CDH13: variants seen among roughly 807,000 people sequenced by gnomAD.
The protein encoded by CDH13 is cadherin-13.
A neutral mutation model predicts 63.8 loss-of-function variants in CDH13; 24 were observed. The observed-to-expected ratio is 0.38, with a 90% CI of 0.27 to 0.53. CDH13 has a LOEUF of 0.53. Ranked by LOEUF, CDH13 falls within the 20% of genes least tolerant of loss-of-function variation. The pLI, the probability that CDH13 is intolerant of heterozygous loss-of-function variation, is 0.85. For missense variants in CDH13, 1,049 were observed against 903.1 expected, an observed-to-expected ratio of 1.16 and a Z score of -2.07; for synonymous variants, 503 against 355.3, an observed-to-expected ratio of 1.42 and a Z score of -4.67.
intron 1 of CDH13, among the ~76,000 whole-genome samples, chr16:82,817,328 G>T (rs897554762): frequency 1.3e-5 from 2 of 152,084 alleles, no homozygotes; most frequent in Non-Finnish European, 2.9e-5. Context: ...TCTTAGCTCA[G>T]CGTGCTCACT....
At chr16:82,639,412 G>C in intron 1 of CDH13, 1 of 1,535,626 alleles carries the variant, frequency 6.5e-7, no homozygotes, top group African/African-American at 1.4e-5. Flanking sequence ...ACATCCCAGT[G>C]AGAATGGCCC....
At chr16:83,700,685 G>A (rs150992532) in intron 10 of CDH13, among the ~76,000 whole-genome samples, 141 of 152,156 alleles carry the variant, frequency 9.3e-4, no homozygotes, top group Middle Eastern at 3.4e-3. Flanking sequence ...ATGCATGCTC[G>A]TCACAAAAAA....
chr16:83,349,721 C>T (rs902238075), intron 6 of CDH13, among the ~76,000 whole-genome samples: 2 of 152,154 alleles, frequency 1.3e-5, no homozygotes, highest in Non-Finnish European at 2.9e-5. Context: ...CTGCCTCAGC[C>T]TCCCGAGTAG....
chr16:82,747,370 T>C (rs8046067), intron 1 of CDH13, among the ~76,000 whole-genome samples: 39,781 of 152,068 alleles, frequency 0.26, 5,859 homozygotes, highest in South Asian at 0.38. Context: ...GTTTGAGGTG[T>C]GTTTATTCAG....
intron 7 of CDH13, among the ~76,000 whole-genome samples, chr16:83,573,268 CTA>C (rs1904809580): frequency 6.6e-6 from 1 of 152,112 alleles, no homozygotes. Context: ...TAGAGCCAAA[CTA>C]TGTGTATTTT....
At chr16:83,325,090 G>C (rs1053494432) in intron 5 of CDH13, among the ~76,000 whole-genome samples, 3 of 152,104 alleles carry the variant, frequency 2.0e-5, no homozygotes, top group Admixed American at 1.3e-4. Context: ...GCCTTCATCC[G>C]CAATCTAAAT....
At chr16:82,781,514 C>T (rs1339966064) in intron 1 of CDH13, among the ~76,000 whole-genome samples, 3 of 152,136 alleles carry the variant, frequency 2.0e-5, no homozygotes, top group Non-Finnish European at 2.9e-5. Flanking sequence ...TCCACCCACT[C>T]ACCCATCTAT....
intron 6 of CDH13, among the ~76,000 whole-genome samples, chr16:83,374,965 G>A (rs909195809): frequency 2.0e-5 from 3 of 152,270 alleles, no homozygotes; most frequent in African/African-American, 4.8e-5. Context: ...TTTGATAACC[G>A]TGGGGATTTT....
chr16:83,231,968 C>T (rs996100874), intron 5 of CDH13, among the ~76,000 whole-genome samples: 1 of 152,018 alleles, frequency 6.6e-6, no homozygotes, highest in Non-Finnish European at 1.5e-5. Context: ...GACACAGAAA[C>T]AGAAAACCAA....
At position 83,142,166 on chromosome 16, in the gene CDH13, T is replaced by G. The variant is rs140362630; in HGVS notation, c.483+16665T>G. Among the ~76,000 whole-genome samples the G allele has an allele frequency of 2.0e-3, 232 of 113,722 alleles. 3 individuals are homozygous for G. The highest frequency in any genetic ancestry group is 5.4e-3 in the African/African-American group (180 of 33,492). The allele number at this position is 113,722 out of a possible 152,430, so 74.6% of individuals were successfully genotyped here. A position where few individuals can be genotyped will look rare whatever the true frequency, so the allele number is the denominator to read the frequency against. On this transcript the variant is annotated intron_variant, in intron 4 of 13. Coordinates refer to ENST00000567109, the MANE Select transcript of CDH13 (RefSeq NM_001257.5). ...TTTTTGTTTGTTTGTTTTTGTTTTT[T>G]TTTTTTTTTTTTTGAAATGGAGTCT...
intron 10 of CDH13, among the ~76,000 whole-genome samples, chr16:83,700,011 A>G (rs1567527012): frequency 6.6e-6 from 1 of 152,158 alleles, no homozygotes. Flanking sequence ...TATCACCGTG[A>G]TCTAGATCGT....
rs1305895982 is a variant in CDH13, at chr16:83,356,224, G to A, written c.781+11218G>A. Among the ~76,000 whole-genome samples the A allele has an allele frequency of 5.8e-3, 482 of 83,386 alleles. 2 individuals carry two copies. Among genetic ancestry groups the A allele is most frequent in the African/African-American group, 0.012 (157 of 12,670 alleles). 54.7% of individuals were successfully genotyped at this position (83,386 alleles called of 152,430 possible). Reference sequence around the variant, plus strand: ...TTTATTTATTTTCATGTGTGTGTGTGTGTGTGTGTGTGTGTGTGTGTGTGT... The same window carrying A: ...TTTATTTATTTTCATGTGTGTGTGTATGTGTGTGTGTGTGTGTGTGTGTGT... On this transcript the variant is annotated intron_variant, in intron 6 of 13. Transcript: ENST00000567109.
intron 6 of CDH13, among the ~76,000 whole-genome samples, chr16:83,383,533 A>T (rs62042628): frequency 0.064 from 9,698 of 152,198 alleles, 375 homozygotes; most frequent in South Asian, 0.11. Flanking sequence ...TATGGTTGGC[A>T]TTCTACTGCA....
intron 8 of CDH13, among the ~76,000 whole-genome samples, chr16:83,617,803 G>A (rs1909423783): frequency 6.6e-6 from 1 of 151,764 alleles, no homozygotes; most frequent in South Asian, 2.1e-4. Context: ...TAATATGCAT[G>A]TATTCTGTTC....
rs150244127 is a variant in CDH13, at chr16:82,965,656, T to G, written c.158-66354T>G. The stretch of plus-strand genomic sequence containing the variant: ...AGGGATTCTCCTGCCATGGCCAGTA[T>G]TATTTTTTAAATTTTTAGTAGTGAC... On this transcript the variant is annotated intron_variant, in intron 2 of 13. Coordinates refer to ENST00000567109, the MANE Select transcript of CDH13 (RefSeq NM_001257.5). Among the ~76,000 whole-genome samples the G allele has an allele frequency of 4.3e-3, 655 of 152,262 alleles. 2 individuals are homozygous for G. Among genetic ancestry groups the G allele is most frequent in the African/African-American group, 0.015 (605 of 41,566 alleles).
chr16:83,577,017 G>A (rs1905129474), intron 7 of CDH13, among the ~76,000 whole-genome samples: 1 of 152,168 alleles, frequency 6.6e-6, no homozygotes, highest in South Asian at 2.1e-4. Context: ...TAAGTCCAGT[G>A]ACAGGCATTT....
chr16:83,325,757 G>A (rs1049327918), intron 5 of CDH13, among the ~76,000 whole-genome samples: 2 of 151,952 alleles, frequency 1.3e-5, no homozygotes, highest in Admixed American at 1.3e-4. Flanking sequence ...TCTTCTCAGG[G>A]AACAAATACC....
At chr16:83,011,158 G>C (rs1199953614) in intron 2 of CDH13, among the ~76,000 whole-genome samples, 2 of 152,146 alleles carry the variant, frequency 1.3e-5, no homozygotes, top group Admixed American at 6.6e-5. Flanking sequence ...AGGGGTGTGA[G>C]CTTCGAAGCC....
At chr16:82,677,102 T>C (rs1914015694) in intron 1 of CDH13, among the ~76,000 whole-genome samples, 1 of 152,250 alleles carries the variant, frequency 6.6e-6, no homozygotes. Flanking sequence ...CAGGATGATC[T>C]TGATCTCTTG....
Sources: allele counts gnomAD v4.1 joint callset (sites outside exome capture counted in the v4.1 genomes callset), GRCh38; gene constraint gnomAD v4.1.1; transcripts MANE v1.5; gene names NCBI Gene and HGNC (gene_info 2026-07-23, HGNC 2026-07-21).